Variants in NAPG observed in about 807,000 individuals in gnomAD.
NAPG encodes NSF attachment protein gamma.
In NAPG, 25 loss-of-function variants were observed where a neutral mutation model predicts 48.4. The ratio of observed to expected loss-of-function variants is 0.52; its 90% CI spans 0.38 to 0.72. The LOEUF (loss-of-function observed/expected upper bound fraction) is 0.72, where lower values mean the gene tolerates loss of function less well. NAPG is among the 30% of genes least tolerant of loss of function. NAPG has a pLI of 0.00. For synonymous variants in NAPG, 139 were observed against 127.2 expected (o/e 1.09, Z -0.62); for missense variants, 359 against 372.5 (o/e 0.96, Z 0.30).
chr18:10,546,123 T>G lies in NAPG; in HGVS notation c.507-203T>G, dbSNP rs555568628. Among the ~76,000 whole-genome samples the G allele has an allele frequency of 6.6e-6, 1 of 152,312 alleles. No homozygotes were observed. The highest frequency in any genetic ancestry group is 6.5e-5 in the Admixed American group (1 of 15,302). ...AGTTCTTTTGCTTTTTCTGTCAGCG[T>G]GCAGCCTGAAAGTGGGGAGTCAGAC... On this transcript the variant is annotated intron_variant, in intron 8 of 11. Coordinates refer to ENST00000322897, the MANE Select transcript of NAPG (RefSeq NM_003826.3). The surrounding 1 kb of genome is among the most constrained non-coding windows in gnomAD (Gnocchi z 4.0).
chr18:10,552,328 G>C lies in NAPG; in HGVS notation c.*2108G>C, dbSNP rs2032415915. The C allele has an allele frequency of 6.6e-6, 1 of 152,200 alleles. No individual in the cohort carries two copies. Among genetic ancestry groups the C allele is most frequent in the African/African-American group, 2.4e-5 (1 of 41,452 alleles). The allele number at this position is 152,200 out of a possible 1,614,324, so 9.4% of individuals were successfully genotyped here. A position where few individuals can be genotyped will look rare whatever the true frequency, so the allele number is the denominator to read the frequency against. The stretch of plus-strand genomic sequence containing the variant: ...GGTGAGGATTGAATAACCAGGACTT[G>C]GGGATATTGTTTGTTGTCAGGGTTA... On this transcript the variant is annotated 3_prime_UTR_variant, in exon 12 of 12. Transcript: ENST00000322897.
chr18:10,545,430 C>G (rs1318303075), intron 8 of NAPG, among the ~76,000 whole-genome samples: 2 of 152,250 alleles, frequency 1.3e-5, no homozygotes, highest in Non-Finnish European at 2.9e-5. Flanking sequence ...AGTACAGACT[C>G]TTGCCCCTTT....
intron 1 of NAPG, 81 bp downstream of exon 1, chr18:10,526,239 C>CCTTTAGCCCCGGGGGGGGGG: frequency 2.9e-6 from 1 of 349,042 alleles, no homozygotes; most frequent in Non-Finnish European, 5.8e-6. Flanking sequence ...CCGGGGGGGG[C>CCTTTAGCCCCGGGGGGGGGG]GGGAGGGAGG....
intron 9 of NAPG, among the ~76,000 whole-genome samples, chr18:10,547,305 ACT>A (rs2032289834): frequency 6.6e-6 from 1 of 152,092 alleles, no homozygotes; most frequent in African/African-American, 2.4e-5. Flanking sequence ...AAACATCTGT[ACT>A]CTCCTGAAAA....
chr18:10,546,321 T>C lies in NAPG; in HGVS notation c.507-5T>C. 6.4e-7 allele frequency: 1 copy of C among 1,561,438 alleles called. No individual in the cohort carries two copies. The highest frequency in any genetic ancestry group is 8.7e-7 in the Non-Finnish European group (1 of 1,147,938). On this transcript the variant is annotated splice_region_variant and splice_polypyrimidine_tract_variant and intron_variant, in intron 8 of 11. Coordinates refer to ENST00000322897, the MANE Select transcript of NAPG (RefSeq NM_003826.3). This position sits in a 1 kb window ranked among gnomAD's most constrained non-coding sequence, Gnocchi z 4.0. ...CTTTTTTTACATTTCTGTGTTTTGT[T>C]TTAGGTTTGATGAGGCGGCACTCTC...
At chr18:10,536,140 G>A (rs961227006) in intron 5 of NAPG, among the ~76,000 whole-genome samples, 2 of 152,164 alleles carry the variant, frequency 1.3e-5, no homozygotes, top group African/African-American at 4.8e-5. Flanking sequence ...TATTATTCAG[G>A]CATCATTTCC....
At chr18:10,529,042 A>G (rs889118698) in intron 1 of NAPG, among the ~76,000 whole-genome samples, 3 of 152,246 alleles carry the variant, frequency 2.0e-5, no homozygotes, top group African/African-American at 7.2e-5. Context: ...AAAAGGACTA[A>G]CAGGTATGGC....
At chr18:10,533,976 G>A (rs930071247) in intron 4 of NAPG, among the ~76,000 whole-genome samples, 7 of 152,052 alleles carry the variant, frequency 4.6e-5, no homozygotes, top group Non-Finnish European at 7.4e-5. Context: ...GAAAAACCTC[G>A]TCTCTACTAA....
intron 1 of NAPG, 73 bp downstream of exon 1, chr18:10,526,231 G>A (rs1416165364): frequency 2.2e-6 from 2 of 915,048 alleles, no homozygotes; most frequent in South Asian, 2.6e-5. Context: ...CTTAGCACCC[G>A]GGGGGGGCGG....
chr18:10,534,960 A>C lies in NAPG; in HGVS notation c.258+464A>C, dbSNP rs1435625736. Among the ~76,000 whole-genome samples, 2 of 152,256 alleles carry C rather than the reference A, an allele frequency of 1.3e-5. No individual in the cohort carries two copies. The highest frequency in any genetic ancestry group is 4.8e-5 in the African/African-American group (2 of 41,460). On this transcript the variant is annotated intron_variant, in intron 5 of 11. Coordinates refer to ENST00000322897, the MANE Select transcript of NAPG (RefSeq NM_003826.3). The surrounding 1 kb of genome is among the most constrained non-coding windows in gnomAD (Gnocchi z 5.0). ...TACTTTAATTCATTCTGCATGGAAT[A>C]TTCCAACTAATGTACCTGTGCCACT...
chr18:10,527,196 A>G (rs539227147), intron 1 of NAPG, among the ~76,000 whole-genome samples: 2 of 150,792 alleles, frequency 1.3e-5, no homozygotes, highest in East Asian at 3.9e-4. Context: ...TCAAAAAAAA[A>G]AAAAAAAAAG....
In NAPG at chr18:10,544,337, GGT is replaced by G. The variant is rs1374621110; in HGVS notation, c.507-1988_507-1987del. On this transcript the variant is annotated intron_variant, in intron 8 of 11. Transcript: ENST00000322897. This position sits in a 1 kb window ranked among gnomAD's most constrained non-coding sequence, Gnocchi z 5.1. ...TAGTGTAGCTAGGTAGCAGAGCTAG[GGT>G]CTCACCAGGCCGAAATGAAGGTGTC... is the stretch of plus-strand genomic sequence containing the variant. Among the ~76,000 whole-genome samples, 4 of 152,200 alleles carry G rather than the reference GGT, an allele frequency of 2.6e-5. No homozygotes were observed. The highest frequency in any genetic ancestry group is 5.9e-5 in the Non-Finnish European group (4 of 68,044).
chr18:10,540,183 TC>T (rs1264342297), intron 7 of NAPG, 129 bp downstream of exon 7: 1 of 1,056,176 alleles, frequency 9.5e-7, no homozygotes, highest in Non-Finnish European at 1.4e-6. Context: ...CTATTTCTTT[TC>T]TGTTAGAGAG....
At chr18:10,526,437 A>G (rs1399399597) in intron 1 of NAPG, 5 of 459,248 alleles carry the variant, frequency 1.1e-5, no homozygotes, top group African/African-American at 6.3e-5. Flanking sequence ...CTGCGGGGCG[A>G]GGGCTTCTCT....
chr18:10,538,487 A>AGTCATTGGGCTGCCAGTTTGTG (rs2032081379), intron 5 of NAPG, among the ~76,000 whole-genome samples: 1 of 152,212 alleles, frequency 6.6e-6, no homozygotes, highest in African/African-American at 2.4e-5. Flanking sequence ...AGTGAGATAG[A>AGTCATTGGGCTGCCAGTTTGTG]GTCATTGGGC....
chr18:10,546,461 A>G lies in NAPG; in HGVS notation c.585+57A>G. ...ACATTAGATGATTTTTTATACTGGT[A>G]TGAATAAGTACTTAAGAAAGGATTC... On this transcript the variant is annotated intron_variant, in intron 9 of 11. Coordinates refer to ENST00000322897, the MANE Select transcript of NAPG (RefSeq NM_003826.3). This position sits in a 1 kb window ranked among gnomAD's most constrained non-coding sequence, Gnocchi z 4.0. 1 of 953,428 alleles carries G rather than the reference A, an allele frequency of 1.0e-6. No individual in the cohort carries two copies. Among genetic ancestry groups the G allele is most frequent in the East Asian group, 2.7e-5 (1 of 36,556 alleles). 59.1% of individuals were successfully genotyped at this position (953,428 alleles called of 1,614,324 possible).
At position 10,532,970 on chromosome 18, in the gene NAPG, T is replaced by C. The variant is rs888927033; in HGVS notation, c.209+175T>C. ...AAGGAGCGTTTATAATGAAGTTTGA[T>C]TATAAGGTCCACACTGGTTCGCAGA... is the stretch of plus-strand genomic sequence containing the variant. On this transcript the variant is annotated intron_variant, in intron 3 of 11. Coordinates refer to ENST00000322897, the MANE Select transcript of NAPG (RefSeq NM_003826.3). The C allele has an allele frequency of 8.4e-6, 5 of 591,846 alleles. No homozygotes were observed. The African/African-American group carries it at 9.3e-5, about 11-fold the overall frequency. The allele number at this position is 591,846 out of a possible 1,614,324, so 36.7% of individuals were successfully genotyped here. A position where few individuals can be genotyped will look rare whatever the true frequency, so the allele number is the denominator to read the frequency against.
chr18:10,546,212 A>C lies in NAPG; in HGVS notation c.507-114A>C. On this transcript the variant is annotated intron_variant, in intron 8 of 11. Coordinates refer to ENST00000322897, the MANE Select transcript of NAPG (RefSeq NM_003826.3). The surrounding 1 kb of genome is among the most constrained non-coding windows in gnomAD (Gnocchi z 4.0). ...CCTGGGTCCTGGGGCAGCTGCTAAT[A>C]ATACCTGTCCTCCTGGTGTCTCTAC... The C allele has an allele frequency of 1.8e-6, 1 of 549,758 alleles. No homozygotes were observed. The highest frequency in any genetic ancestry group is 3.0e-6 in the Non-Finnish European group (1 of 331,298). The allele number at this position is 549,758 out of a possible 1,614,324, so 34.1% of individuals were successfully genotyped here. A position where few individuals can be genotyped will look rare whatever the true frequency, so the allele number is the denominator to read the frequency against.
chr18:10,542,440 T>C lies in NAPG; in HGVS notation c.506+2041T>C, dbSNP rs1039670349. ...TAAGTCTACTGTCATGGTACTTCTA[T>C]TGGGAACTTAAATAGTGCAGGATAA... On this transcript the variant is annotated intron_variant, in intron 8 of 11. Transcript: ENST00000322897. This position sits in a 1 kb window ranked among gnomAD's most constrained non-coding sequence, Gnocchi z 4.5. Among the ~76,000 whole-genome samples the C allele has an allele frequency of 1.1e-4, 16 of 152,208 alleles. No individual in the cohort carries two copies. The highest frequency in any genetic ancestry group is 9.2e-4 in the Admixed American group (14 of 15,286).
Sources: gnomAD v4.1 joint callset for allele counts (sites outside exome capture counted in the v4.1 genomes callset) on GRCh38, gnomAD v4.1.1 for gene constraint, Gnocchi (gnomAD v3.1) non-coding constraint, MANE v1.5 for transcripts, NCBI Gene and HGNC (gene_info 2026-07-23, HGNC 2026-07-21) for gene names.